TOPORS: variants seen among roughly 807,000 people sequenced by gnomAD.
TOPORS encodes the protein TOP1 binding arginine/serine rich protein, E3 ubiquitin ligase, also known as E3 ubiquitin-protein ligase Topors.
TOPORS carries 25 observed loss-of-function variants against 81.4 expected under a neutral mutation model. That is an observed-to-expected ratio of 0.31 (90% CI 0.22 to 0.43). TOPORS has a LOEUF of 0.43. Among genes scored for constraint, TOPORS ranks in the 20% least tolerant of loss-of-function variants. The probability of loss-of-function intolerance (pLI) is 1.00; values close to 1 mark genes in which losing one functional copy is unlikely to be tolerated. For synonymous variants in TOPORS, 473 were observed against 456.6 expected, an observed-to-expected ratio of 1.04 and a Z score of -0.46; for missense variants, 1,101 against 1,267.0, an observed-to-expected ratio of 0.87 and a Z score of 1.99.
At position 32,550,762 on chromosome 9, in the gene TOPORS, A is replaced by T; in HGVS notation, c.198+12T>A. The T allele has an allele frequency of 3.1e-6, 5 of 1,612,702 alleles. No individual in the cohort carries two copies. The highest frequency in any genetic ancestry group is 4.2e-6 in the Non-Finnish European group (5 of 1,179,588). ...CCGACCCCCGCGTCCCATTGTTCCG[A>T]ATCTCACTCACCTCGGAGGATGCCG... On this transcript the variant is annotated intron_variant, in intron 2 of 2. Coordinates refer to ENST00000360538, the MANE Select transcript of TOPORS (RefSeq NM_005802.5).
chr9:32,552,267 C>A, intron 1 of TOPORS, 167 bp downstream of exon 1: 1 of 927,794 alleles, frequency 1.1e-6, no homozygotes, highest in South Asian at 1.4e-5. Flanking sequence ...GATACCGCCC[C>A]CCAACTCCGG....
intron 1 of TOPORS, 44 bp from the exon 2 acceptor site, chr9:32,551,012 G>A (rs894526767): frequency 4.4e-6 from 7 of 1,597,756 alleles, no homozygotes; most frequent in Non-Finnish European, 5.9e-6. Context: ...TCGGAAGCAG[G>A]GCAGAGAGCG....
At chr9:32,547,461 T>C (rs1164658435) in intron 2 of TOPORS, among the ~76,000 whole-genome samples, 1 of 152,188 alleles carries the variant, frequency 6.6e-6, no homozygotes, top group African/African-American at 2.4e-5. Context: ...TACCCATCAA[T>C]TGATTAACAG....
In TOPORS at chr9:32,552,229, A is replaced by AAG. The variant is rs761260818; in HGVS notation, c.3+204_3+205insCT. 48 of 669,696 alleles carry AAG rather than the reference A, an allele frequency of 7.2e-5. 1 individual carries two copies. Among genetic ancestry groups the AAG allele is most frequent in the Non-Finnish European group, 1.1e-4 (43 of 385,914 alleles). 41.5% of individuals were successfully genotyped at this position (669,696 alleles called of 1,614,324 possible). A position where few individuals can be genotyped will look rare whatever the true frequency, so the allele number is the denominator to read the frequency against. On this transcript the variant is annotated intron_variant, in intron 1 of 2. Coordinates refer to ENST00000360538, the MANE Select transcript of TOPORS (RefSeq NM_005802.5). ...CATTTTCTCGTTTATTCCCCTCTCT[A>AAG]AAAGGCGGGCAAGGCCCCCGATCAC...
In TOPORS at chr9:32,542,237, T is replaced by C; in HGVS notation, c.2288A>G (p.Tyr763Cys). 1.2e-6 allele frequency: 2 copies of C among 1,614,236 alleles called. No individual in the cohort carries two copies. The highest frequency in any genetic ancestry group is 1.1e-5 in the South Asian group (1 of 91,086). The stretch of plus-strand genomic sequence containing the variant: ...GCTCCTTGATCTGTGCCTTTCATAG[T>C]AGTAATACTTCCTCTCACTGTGATT... ...KNNHSERKYY[Y>C]YERHRSRSLS... Residue 763 changes from tyrosine (Y) to cysteine (C), a missense_variant, in exon 3 of 3, where the codon TAC (tyrosine) becomes TGC (cysteine). Around this residue, in one of 9 missense-constraint regions of TOPORS, gnomAD observed 605 missense variants for 636.1 expected, o/e 0.95. Coordinates refer to ENST00000360538, the MANE Select transcript of TOPORS (RefSeq NM_005802.5).
chr9:32,550,622 G>T, intron 2 of TOPORS, 152 bp downstream of exon 2: 1 of 824,766 alleles, frequency 1.2e-6, no homozygotes. Context: ...CGCAGGAGCC[G>T]CTCGGGGGCC....
Position 32,542,695 on chromosome 9 carries a change from A to G in TOPORS, c.1830T>C (p.His610=). Residue 610 remains histidine (H), a synonymous_variant, in exon 3 of 3, where the codon CAT becomes CAC. Coordinates refer to ENST00000360538, the MANE Select transcript of TOPORS (RefSeq NM_005802.5). ...SDSRSQSRSG[H]DQKNHRKHHG... is the part of the protein sequence containing the mutation. ...GATGCTTTCTATGATTCTTCTGATC[A>G]TGCCCACTTCTACTCTGAGAACGTG... The G allele has an allele frequency of 1.2e-6, 2 of 1,614,014 alleles. No individual in the cohort carries two copies. The highest frequency in any genetic ancestry group is 1.7e-6 in the Non-Finnish European group (2 of 1,180,016).
intron 2 of TOPORS, among the ~76,000 whole-genome samples, chr9:32,547,554 T>TG (rs1304084004): frequency 6.6e-6 from 1 of 152,142 alleles, no homozygotes; most frequent in Non-Finnish European, 1.5e-5. Flanking sequence ...TGTTGTAACA[T>TG]GGATGAAACT....
At chr9:32,551,133 G>A in intron 1 of TOPORS, 165 bp from the exon 2 acceptor site, 4 of 837,412 alleles carry the variant, frequency 4.8e-6, no homozygotes, top group Admixed American at 2.1e-5. Flanking sequence ...CGGCCCAAAT[G>A]CGGCCCCTCC....
intron 2 of TOPORS, among the ~76,000 whole-genome samples, chr9:32,547,155 C>T (rs1821150781): frequency 6.6e-6 from 1 of 152,124 alleles, no homozygotes. Context: ...ACCCTTGAGG[C>T]CAGGAATTTG....
chr9:32,548,554 A>AG, intron 2 of TOPORS, among the ~76,000 whole-genome samples: 1 of 152,052 alleles, frequency 6.6e-6, no homozygotes, highest in African/African-American at 2.4e-5. Flanking sequence ...CACACACAAA[A>AG]GAGTGGCTGA....
At chr9:32,551,782 G>T (rs1229052986) in intron 1 of TOPORS, 2 of 452,560 alleles carry the variant, frequency 4.4e-6, no homozygotes, top group South Asian at 3.1e-5. Context: ...ACAAACACTT[G>T]TTGCTTGACT....
Position 32,544,397 on chromosome 9 carries a change from C to T in TOPORS, c.199-71G>A, listed in dbSNP as rs577320511. ...TGACTAAATAGTCTCAACAAAAATG[C>T]AAATAAAGACCTTGAAACTTATTTT... On this transcript the variant is annotated intron_variant, in intron 2 of 2. Coordinates refer to ENST00000360538, the MANE Select transcript of TOPORS (RefSeq NM_005802.5). The T allele has an allele frequency of 1.4e-4, 212 of 1,479,840 alleles. 3 individuals are homozygous for T. In the East Asian group the frequency reaches 4.8e-3, roughly 33 times the overall value. The allele number at this position is 1,479,840 out of a possible 1,614,324, so 91.7% of individuals were successfully genotyped here.
chr9:32,550,894 C>T lies in TOPORS; in HGVS notation c.78G>A (p.Glu26=), dbSNP rs1821232395. ...GTACCCGGCGACTTCTCCGCCTACC[C>T]TCCGAAGCGGGAGCAGGCGGGGGCG... ...GEAPPPAPAS[E]GRRRSRRVRL... Residue 26 remains glutamate, a synonymous_variant, in exon 2 of 3, where the codon GAG becomes GAA. Coordinates refer to ENST00000360538, the MANE Select transcript of TOPORS (RefSeq NM_005802.5). The T allele has an allele frequency of 7.4e-6, 12 of 1,613,094 alleles. No homozygotes were observed. The highest frequency in any genetic ancestry group is 1.0e-5 in the Non-Finnish European group (12 of 1,179,818).
Position 32,544,066 on chromosome 9 carries a change from C to T in TOPORS, c.459G>A (p.Arg153=). 3 of 1,614,106 alleles carry T rather than the reference C, an allele frequency of 1.9e-6. No homozygotes were observed. The highest frequency in any genetic ancestry group is 1.3e-5 in the African/African-American group (1 of 75,016). Reference sequence around the variant, plus strand: ...CATACTCCTTGAAGTCATCTTCTGCCCTCACAGAATGGAAAATAGAATCAA... The same window carrying T: ...CATACTCCTTGAAGTCATCTTCTGCTCTCACAGAATGGAAAATAGAATCAA... ...QPFDSIFHSV[R]AEDDFKEYVL... is the part of the protein sequence containing the mutation. Residue 153 remains arginine, a synonymous_variant, in exon 3 of 3, where the codon AGG becomes AGA. Coordinates refer to ENST00000360538, the MANE Select transcript of TOPORS (RefSeq NM_005802.5).
At position 32,542,687 on chromosome 9, in the gene TOPORS, T is replaced by A; in HGVS notation, c.1838A>T (p.Lys613Met). 6.2e-7 allele frequency: 1 copy of A among 1,614,134 alleles called. No individual in the cohort carries two copies. Among genetic ancestry groups the A allele is most frequent in the Non-Finnish European group, 8.5e-7 (1 of 1,180,026 alleles). ...RSQSRSGHDQ[K>M]NHRKHHGKKR... Reference sequence around the variant, plus strand: ...CTTCCCATGATGCTTTCTATGATTCTTCTGATCATGCCCACTTCTACTCTG... The same window carrying A: ...CTTCCCATGATGCTTTCTATGATTCATCTGATCATGCCCACTTCTACTCTG... Residue 613 changes from lysine (K) to methionine (M), a missense_variant, in exon 3 of 3, where the codon AAG becomes ATG. By Grantham distance (95) the Lys-to-Met change is moderately conservative (BLOSUM62 -1). Around this residue, in one of 9 missense-constraint regions of TOPORS, gnomAD observed 605 missense variants for 636.1 expected, o/e 0.95. Transcript: ENST00000360538.
intron 2 of TOPORS, among the ~76,000 whole-genome samples, chr9:32,547,379 T>C (rs903120932): frequency 6.6e-6 from 1 of 152,134 alleles, no homozygotes; most frequent in African/African-American, 2.4e-5. Flanking sequence ...CGAAAACTTG[T>C]CCACACAAAA....
chr9:32,550,310 G>A (rs1821212048), intron 2 of TOPORS, among the ~76,000 whole-genome samples: 1 of 152,168 alleles, frequency 6.6e-6, no homozygotes, highest in Non-Finnish European at 1.5e-5. Flanking sequence ...AACTCCCAAA[G>A]CCACGGTGAT....
intron 2 of TOPORS, among the ~76,000 whole-genome samples, chr9:32,548,326 C>G (rs1043174151): frequency 1.3e-5 from 2 of 150,918 alleles, no homozygotes; most frequent in Middle Eastern, 3.4e-3. Flanking sequence ...GAGTTCGAGA[C>G]CAGCCTGACC....
Sources: gnomAD v4.1 joint callset for allele counts (sites outside exome capture counted in the v4.1 genomes callset) on GRCh38, gnomAD v4.1.1 for gene constraint, gnomAD v4.1.1 regional missense constraint, MANE v1.5 for transcripts, NCBI Gene and HGNC (gene_info 2026-07-23, HGNC 2026-07-21) for gene names.